The following SNTB2 variants were observed in gnomAD, a reference collection of about 807,000 sequenced individuals.
The protein encoded by SNTB2 is syntrophin beta 2, also known as beta-2-syntrophin.
Under a neutral mutation model 46.2 loss-of-function variants are expected in SNTB2, and 34 were observed. The observed-to-expected ratio is 0.74, with a 90% CI of 0.56 to 0.98. The LOEUF (loss-of-function observed/expected upper bound fraction) is 0.98. Ranked by LOEUF, SNTB2 falls within the 50% of genes least tolerant of loss-of-function variation. The pLI, the probability that SNTB2 is intolerant of heterozygous loss-of-function variation, is 0.00. For missense variants in SNTB2, 603 were observed against 731.4 expected (o/e 0.82, Z 2.02); for synonymous variants, 290 against 312.6 (o/e 0.93, Z 0.76).
intron 1 of SNTB2, among the ~76,000 whole-genome samples, chr16:69,203,487 T>C (rs565765924): frequency 9.0e-4 from 137 of 152,076 alleles, no homozygotes; most frequent in African/African-American, 2.8e-3. Context: ...TAGTGGTACA[T>C]GTCACCATGC....
At chr16:69,283,501 T>C (rs578088612) in intron 4 of SNTB2, among the ~76,000 whole-genome samples, 2 of 152,310 alleles carry the variant, frequency 1.3e-5, no homozygotes, top group East Asian at 1.9e-4. Context: ...CCTTCTACCA[T>C]TGGAAGTTCT....
chr16:69,199,441 C>T (rs566761543), intron 1 of SNTB2, among the ~76,000 whole-genome samples: 3 of 151,788 alleles, frequency 2.0e-5, no homozygotes, highest in African/African-American at 7.3e-5. Flanking sequence ...TTAATTAAAG[C>T]GATGTTGGCC....
intron 3 of SNTB2, among the ~76,000 whole-genome samples, chr16:69,269,286 A>G (rs572951810): frequency 1.1e-4 from 16 of 152,252 alleles, no homozygotes; most frequent in African/African-American, 3.1e-4. Flanking sequence ...TGGGAGGCCA[A>G]GGCAGGCGGA....
chr16:69,201,308 G>A (rs1161231641), intron 1 of SNTB2, among the ~76,000 whole-genome samples: 1 of 152,170 alleles, frequency 6.6e-6, no homozygotes, highest in Non-Finnish European at 1.5e-5. Flanking sequence ...AAATGGGAGA[G>A]AATGCACTAA....
chr16:69,190,947 C>T (rs1964044214), intron 1 of SNTB2, among the ~76,000 whole-genome samples: 1 of 152,054 alleles, frequency 6.6e-6, no homozygotes, highest in African/African-American at 2.4e-5. Flanking sequence ...ATGAACAGCA[C>T]AGGTCTGAAT....
intron 2 of SNTB2, among the ~76,000 whole-genome samples, chr16:69,259,308 C>T (rs1366980100): frequency 7.4e-6 from 1 of 135,628 alleles, no homozygotes; most frequent in Non-Finnish European, 1.5e-5. Context: ...TCTCGGCTCA[C>T]TGCAACCTCC....
chr16:69,224,528 G>A (rs912521714), intron 1 of SNTB2, among the ~76,000 whole-genome samples: 1 of 152,068 alleles, frequency 6.6e-6, no homozygotes, highest in African/African-American at 2.4e-5. Flanking sequence ...TAAGTATCTT[G>A]GAAAATATGG....
chr16:69,253,650 A>G (rs906861397), intron 2 of SNTB2, among the ~76,000 whole-genome samples: 8 of 152,130 alleles, frequency 5.3e-5, no homozygotes, highest in Non-Finnish European at 1.2e-4. Context: ...CTCTGTCTCA[A>G]AAACAAAAAC....
chr16:69,191,901 A>G (rs1964058664), intron 1 of SNTB2, among the ~76,000 whole-genome samples: 1 of 152,202 alleles, frequency 6.6e-6, no homozygotes, highest in South Asian at 2.1e-4. Flanking sequence ...TCAGCCTCCC[A>G]AAGTGCTGGG....
intron 1 of SNTB2, among the ~76,000 whole-genome samples, chr16:69,235,184 T>G: frequency 6.6e-6 from 1 of 151,994 alleles, no homozygotes. Context: ...GCTAATTTTT[T>G]TTTTTTTTTC....
chr16:69,274,260 T>G (rs866307609), intron 4 of SNTB2, among the ~76,000 whole-genome samples: 7 of 150,432 alleles, frequency 4.7e-5, no homozygotes, highest in South Asian at 4.2e-4. Context: ...TGCAGTGAGC[T>G]GATACTGCAC....
intron 5 of SNTB2, among the ~76,000 whole-genome samples, chr16:69,292,236 C>T (rs1188682549): frequency 6.9e-6 from 1 of 145,360 alleles, no homozygotes; most frequent in Non-Finnish European, 1.5e-5. Flanking sequence ...GACTCTGTCT[C>T]AAAAAAATAA....
intron 1 of SNTB2, among the ~76,000 whole-genome samples, chr16:69,238,485 T>TA (rs1964579410): frequency 6.6e-6 from 1 of 152,202 alleles, no homozygotes; most frequent in Non-Finnish European, 1.5e-5. Context: ...TCCTGACTGA[T>TA]ACAGTGATCT....
chr16:69,246,374 C>T (rs545540025), intron 2 of SNTB2, among the ~76,000 whole-genome samples: 2 of 151,498 alleles, frequency 1.3e-5, no homozygotes, highest in African/African-American at 2.4e-5. Context: ...TATTGATTTG[C>T]GTATATTGAA....
In SNTB2 at chr16:69,264,353, G is replaced by A. The variant is rs940954161; in HGVS notation, c.1005+4093G>A. 2.6e-5 allele frequency among the ~76,000 whole-genome samples: 4 copies of A among 152,086 alleles called. No individual in the cohort carries two copies. In the East Asian group the frequency reaches 5.8e-4, roughly 22 times the overall value. The stretch of plus-strand genomic sequence containing the variant: ...AAAGCACAGAGCATGTATCCACCTC[G>A]CCCATTCCCTGACAAATAATGACAT... On this transcript the variant is annotated intron_variant, in intron 3 of 6. Coordinates refer to ENST00000336278, the MANE Select transcript of SNTB2 (RefSeq NM_006750.4).
In SNTB2 at chr16:69,187,762, C is replaced by CGGGAGGGGGGGGGGGGCGGGGG. The variant is rs1964008180; in HGVS notation, c.580+23_580+24insGGGGGGGGGCGGGGGGGGAGGG. 6.7e-6 allele frequency: 1 copy of CGGGAGGGGGGGGGGGGCGGGGG among 150,278 alleles called. No homozygotes were observed. Among genetic ancestry groups the CGGGAGGGGGGGGGGGGCGGGGG allele is most frequent in the African/African-American group, 7.1e-5 (1 of 14,112 alleles). 9.3% of individuals were successfully genotyped at this position (150,278 alleles called of 1,614,324 possible). A position where few individuals can be genotyped will look rare whatever the true frequency, so the allele number is the denominator to read the frequency against. On this transcript the variant is annotated intron_variant, in intron 1 of 6. Transcript: ENST00000336278. The stretch of plus-strand genomic sequence containing the variant: ...CTGCTGGAGGGTGAGCGGGGCCGGG[C>CGGGAGGGGGGGGGGGGCGGGGG]GGGAGGGTGGGCAGGCCGCGGCGGC...
At chr16:69,236,438 T>C (rs1964561323) in intron 1 of SNTB2, among the ~76,000 whole-genome samples, 1 of 152,036 alleles carries the variant, frequency 6.6e-6, no homozygotes, top group Non-Finnish European at 1.5e-5. Flanking sequence ...CTATGTGAGG[T>C]ACCTAGAGTA....
chr16:69,291,891 C>G (rs1965162372), intron 5 of SNTB2, among the ~76,000 whole-genome samples: 1 of 151,606 alleles, frequency 6.6e-6, no homozygotes. Context: ...GCACTGCACT[C>G]CAGCCTGGGC....
Position 69,294,728 on chromosome 16 carries a change from A to G in SNTB2, c.1346-4862A>G, listed in dbSNP as rs12917740. 4.6e-5 allele frequency among the ~76,000 whole-genome samples: 7 copies of G among 152,028 alleles called. 1 individual carries two copies. Among genetic ancestry groups the G allele is most frequent in the African/African-American group, 1.7e-4 (7 of 41,410 alleles). ...AGCCTGGGCGACAGAGCGAGACTCC[A>G]TCTAAAATAAAATAAAATAAAAGCA... On this transcript the variant is annotated intron_variant, in intron 5 of 6. Transcript: ENST00000336278.
Sources: allele counts gnomAD v4.1 joint callset (sites outside exome capture counted in the v4.1 genomes callset), GRCh38; gene constraint gnomAD v4.1.1; transcripts MANE v1.5; gene names NCBI Gene and HGNC (gene_info 2026-07-23, HGNC 2026-07-21).